Variants in HDHD2 observed in about 807,000 individuals in gnomAD.
HDHD2 encodes haloacid dehalogenase like hydrolase domain containing 2.
A neutral mutation model predicts 24.8 loss-of-function variants in HDHD2; 26 were observed. That is an observed-to-expected ratio of 1.05 (90% CI 0.77 to 1.45). The LOEUF (loss-of-function observed/expected upper bound fraction) is 1.45, where lower values mean the gene tolerates loss of function less well. Among genes scored for constraint, HDHD2 ranks in the 40% most tolerant of loss-of-function variants. HDHD2 has a pLI of 0.00. For missense variants in HDHD2, 299 were observed against 313.4 expected (o/e 0.95, Z 0.35); for synonymous variants, 128 against 114.9 (o/e 1.11, Z -0.73).
intron 4 of HDHD2, among the ~76,000 whole-genome samples, chr18:47,116,622 G>C (rs2063559724): frequency 1.3e-5 from 2 of 152,114 alleles, no homozygotes; most frequent in Non-Finnish European, 2.9e-5. Flanking sequence ...TCTTAAAGCT[G>C]CTCTTGAAAT....
Position 47,136,384 on chromosome 18 carries a change from T to G in HDHD2, c.56A>C (p.His19Pro). The G allele has an allele frequency of 1.9e-6, 3 of 1,613,198 alleles. No individual in the cohort carries two copies. The highest frequency in any genetic ancestry group is 2.5e-6 in the Non-Finnish European group (3 of 1,179,786). ...AVLVDLSGTLHIEDAAVPGAQ... is the reference protein window; with the variant it reads ...AVLVDLSGTLPIEDAAVPGAQ... ...GCCTGGCACAGCTGCATCTTCAATG[T>G]GAAGTGTGCCACTGAGATCTACCAA... is the stretch of plus-strand genomic sequence containing the variant. The change falls in exon 2 of 7, where the codon CAC (histidine) becomes CCC (proline). Residue 19 changes from histidine to proline, a missense_variant. Physicochemically the swap from His to Pro is moderately conservative, Grantham distance 77. Coordinates refer to ENST00000300605, the MANE Select transcript of HDHD2 (RefSeq NM_032124.5).
At chr18:47,109,897 A>G in intron 6 of HDHD2, 1 of 820,464 alleles carries the variant, frequency 1.2e-6, no homozygotes, top group Non-Finnish European at 1.5e-6. Flanking sequence ...AATGTATTCC[A>G]AGTACCTAAC....
At chr18:47,123,478 C>T (rs972416726) in intron 4 of HDHD2, among the ~76,000 whole-genome samples, 6 of 152,042 alleles carry the variant, frequency 3.9e-5, no homozygotes, top group Non-Finnish European at 5.9e-5. Flanking sequence ...CTCCCAGCTA[C>T]TGGGAGGCTG....
At chr18:47,117,505 C>A (rs1304146467) in intron 4 of HDHD2, among the ~76,000 whole-genome samples, 4 of 152,188 alleles carry the variant, frequency 2.6e-5, no homozygotes, top group African/African-American at 9.7e-5. Flanking sequence ...AAGGCCTTCA[C>A]CCAGTGCAGG....
chr18:47,131,314 A>G (rs777951248), intron 3 of HDHD2, among the ~76,000 whole-genome samples: 66 of 152,288 alleles, frequency 4.3e-4, no homozygotes, highest in Admixed American at 2.1e-3. Flanking sequence ...TAAAGGTTCC[A>G]TGGATTATCC....
intron 4 of HDHD2, among the ~76,000 whole-genome samples, chr18:47,124,001 A>G (rs888185056): frequency 6.6e-6 from 1 of 152,260 alleles, no homozygotes; most frequent in Non-Finnish European, 1.5e-5. Flanking sequence ...ATGAATGGCA[A>G]AAGTATAGAT....
chr18:47,146,426 T>G (rs979657117), intron 1 of HDHD2, among the ~76,000 whole-genome samples: 1 of 152,138 alleles, frequency 6.6e-6, no homozygotes. Context: ...AAGAATATAC[T>G]TGTACAAGCA....
chr18:47,125,713 G>A (rs72905490), intron 4 of HDHD2, among the ~76,000 whole-genome samples: 3,999 of 152,238 alleles, frequency 0.026, 61 homozygotes, highest in Non-Finnish European at 0.041. Context: ...TCAGAGCAGT[G>A]GTTATCCTGG....
intron 3 of HDHD2, among the ~76,000 whole-genome samples, chr18:47,132,917 T>C (rs1472845594): frequency 6.6e-6 from 1 of 152,202 alleles, no homozygotes; most frequent in African/African-American, 2.4e-5. Flanking sequence ...GTGTATCTCA[T>C]TTAATCAAGT....
chr18:47,136,317 C>G (rs2063765510), intron 2 of HDHD2, 22 bp downstream of exon 2: 6 of 1,612,940 alleles, frequency 3.7e-6, no homozygotes, highest in Non-Finnish European at 5.1e-6. Context: ...TATTTGTCAG[C>G]TGAACCTGGA....
intron 4 of HDHD2, among the ~76,000 whole-genome samples, chr18:47,120,875 C>A (rs1555649587): frequency 6.6e-6 from 1 of 152,120 alleles, no homozygotes. Flanking sequence ...TCAGAACACA[C>A]ACAACATTAA....
At chr18:47,121,972 C>T (rs752662304) in intron 4 of HDHD2, among the ~76,000 whole-genome samples, 9 of 152,156 alleles carry the variant, frequency 5.9e-5, no homozygotes, top group Non-Finnish European at 2.9e-5. Context: ...TTCCTCCTCA[C>T]ATTTGGTAAC....
intron 4 of HDHD2, among the ~76,000 whole-genome samples, chr18:47,119,315 C>T (rs1415932174): frequency 6.6e-6 from 1 of 152,196 alleles, no homozygotes; most frequent in African/African-American, 2.4e-5. Context: ...GAAACTCTTT[C>T]AAAATTGTGA....
At chr18:47,145,422 T>C (rs2063859580) in intron 1 of HDHD2, among the ~76,000 whole-genome samples, 1 of 152,210 alleles carries the variant, frequency 6.6e-6, no homozygotes, top group Non-Finnish European at 1.5e-5. Flanking sequence ...TTAGTACATA[T>C]GGAGACGAAC....
chr18:47,134,764 C>T (rs1427912684), intron 2 of HDHD2, 60 bp from the exon 3 acceptor site: 19 of 1,374,064 alleles, frequency 1.4e-5, no homozygotes, highest in Non-Finnish European at 1.8e-5. Flanking sequence ...CCTATAAAAT[C>T]TCCTAATTTG....
At chr18:47,139,254 C>A (rs1370068501) in intron 1 of HDHD2, among the ~76,000 whole-genome samples, 10 of 151,080 alleles carry the variant, frequency 6.6e-5, no homozygotes, top group Admixed American at 5.9e-4. Context: ...GTCAGGAGAT[C>A]GAGACCATCC....
intron 5 of HDHD2, 131 bp downstream of exon 5, chr18:47,115,001 G>T: frequency 1.6e-6 from 1 of 626,862 alleles, no homozygotes; most frequent in Non-Finnish European, 2.8e-6. Flanking sequence ...TCATTTTATA[G>T]GTAGCCATTT....
At chr18:47,117,492 C>T (rs1408513647) in intron 4 of HDHD2, among the ~76,000 whole-genome samples, 1 of 152,220 alleles carries the variant, frequency 6.6e-6, no homozygotes, top group Non-Finnish European at 1.5e-5. Flanking sequence ...GATGATGCAG[C>T]AAAAGGCCTT....
intron 1 of HDHD2, among the ~76,000 whole-genome samples, chr18:47,139,464 C>CAAAAAAAAA (rs760347919): frequency 2.0e-5 from 1 of 50,482 alleles, no homozygotes; most frequent in African/African-American, 7.6e-5. Flanking sequence ...GACTCTGTCT[C>CAAAAAAAAA]AAAAAAAAAA....
Sources: gnomAD v4.1 joint callset for allele counts (sites outside exome capture counted in the v4.1 genomes callset) on GRCh38, gnomAD v4.1.1 for gene constraint, MANE v1.5 for transcripts, NCBI Gene and HGNC (gene_info 2026-07-23, HGNC 2026-07-21) for gene names.